Variants in KCNMA1 observed in about 807,000 individuals in gnomAD.
The protein encoded by KCNMA1 is potassium calcium-activated channel subfamily M alpha 1.
KCNMA1 carries 29 observed loss-of-function variants against 140.0 expected under a neutral mutation model. The observed-to-expected ratio is 0.21, with a 90% CI of 0.15 to 0.28. KCNMA1 has a LOEUF of 0.28. KCNMA1 is among the 10% of genes least tolerant of loss of function. The pLI is 1.00. For missense variants in KCNMA1, 880 were observed against 1,602.2 expected (o/e 0.55, Z 7.70); for synonymous variants, 612 against 611.9 (o/e 1.00, Z 0.00).
At chr10:77,102,474 T>C (rs1008956841) in intron 9 of KCNMA1, among the ~76,000 whole-genome samples, 1 of 152,084 alleles carries the variant, frequency 6.6e-6, no homozygotes, top group Non-Finnish European at 1.5e-5. Context: ...AACCCAATAA[T>C]CAGGAAGCAG....
At position 76,949,292 on chromosome 10, in the gene KCNMA1, G is replaced by C. The variant is rs201918957; in HGVS notation, c.2559C>G (p.Ala853=). The C allele has an allele frequency of 3.1e-6, 5 of 1,614,002 alleles. No homozygotes were observed. The highest frequency in any genetic ancestry group is 4.2e-6 in the Non-Finnish European group (5 of 1,180,038). Residue 853 remains alanine (A), a synonymous_variant, in exon 22 of 28, where the codon GCC becomes GCG. Coordinates refer to ENST00000286628, the MANE Select transcript of KCNMA1 (RefSeq NM_001161352.2). The part of the protein sequence containing the change: ...VVCIFGDVSS[A]LIGLRNLVMP... ...TCACCAGGTTCCGGAGGCCGATCAG[G>C]GCTGAGCTGACGTCGCCAAAGATGC... is the stretch of plus-strand genomic sequence containing the variant.
downstream of KCNMA1, among the ~76,000 whole-genome samples, chr10:76,883,662 C>A (rs4980114): frequency 0.036 from 5,346 of 149,276 alleles, 312 homozygotes; most frequent in African/African-American, 0.12. Flanking sequence ...GAGTTCCTAA[C>A]TTTTTAAATG....
At chr10:77,343,720 C>T (rs185354681) in intron 2 of KCNMA1, among the ~76,000 whole-genome samples, 109 of 152,264 alleles carry the variant, frequency 7.2e-4, no homozygotes, top group Admixed American at 1.6e-3. Flanking sequence ...ACCAAGAGGT[C>T]ATAGTGTCCG....
At chr10:77,521,728 C>T (rs2053468330) in intron 1 of KCNMA1, among the ~76,000 whole-genome samples, 1 of 152,282 alleles carries the variant, frequency 6.6e-6, no homozygotes, top group Admixed American at 6.5e-5. Context: ...TCCATCTGGT[C>T]CCTTGAGAGT....
chr10:77,080,960 A>C (rs540910041), intron 12 of KCNMA1, among the ~76,000 whole-genome samples: 2 of 152,302 alleles, frequency 1.3e-5, no homozygotes, highest in Non-Finnish European at 2.9e-5. Flanking sequence ...AATAGAGAAA[A>C]TGATGACTTA....
chr10:77,012,124 G>A, intron 17 of KCNMA1, 81 bp from the exon 18 acceptor site: 1 of 1,606,840 alleles, frequency 6.2e-7, no homozygotes, highest in Non-Finnish European at 8.5e-7. Flanking sequence ...CCACGGTGGT[G>A]CCAAATTAAT....
intron 1 of KCNMA1, among the ~76,000 whole-genome samples, chr10:77,608,989 T>C (rs2085646789): frequency 6.6e-6 from 1 of 152,152 alleles, no homozygotes; most frequent in Admixed American, 6.5e-5. Context: ...TGTTACACTG[T>C]TGGTGGGACT....
chr10:77,170,426 G>A (rs2098691569), intron 5 of KCNMA1, among the ~76,000 whole-genome samples: 1 of 152,022 alleles, frequency 6.6e-6, no homozygotes, highest in Non-Finnish European at 1.5e-5. Context: ...GTATCCCTGG[G>A]AGAAGGTTGG....
rs548450338 is a variant in KCNMA1 at position 77,236,984 on chromosome 10, C to T, written c.602+14211G>A. 2.0e-5 allele frequency among the ~76,000 whole-genome samples: 3 copies of T among 152,278 alleles called. No homozygotes were observed. The South Asian group carries it at 6.2e-4, about 32-fold the overall frequency. On this transcript the variant is annotated intron_variant, in intron 3 of 27. Transcript: ENST00000286628. ...AAATGCTTGTTTTTCCTTTCACAAA[C>T]CATGAATGAGTTGAGATTGCAGTTT...
At chr10:76,883,821 A>AAAG (rs1483267574), downstream of KCNMA1, among the ~76,000 whole-genome samples, 1 of 151,136 alleles carries the variant, frequency 6.6e-6, no homozygotes, top group Non-Finnish European at 1.5e-5. Context: ...TGTTCTACTG[A>AAAG]AAGAGGAAGG....
chr10:77,118,463 C>A (rs1339464807), intron 6 of KCNMA1, among the ~76,000 whole-genome samples: 1 of 152,180 alleles, frequency 6.6e-6, no homozygotes, highest in Non-Finnish European at 1.5e-5. Flanking sequence ...GGTGACCTGG[C>A]CTTTCCTACC....
At chr10:76,953,005 G>A (rs547072434) in intron 21 of KCNMA1, among the ~76,000 whole-genome samples, 120 of 152,272 alleles carry the variant, frequency 7.9e-4, no homozygotes, top group African/African-American at 2.7e-3. Flanking sequence ...AAGACCCAAA[G>A]CTGTTAATAG....
intron 6 of KCNMA1, among the ~76,000 whole-genome samples, chr10:77,119,163 T>C (rs1316510150): frequency 2.0e-5 from 3 of 152,108 alleles, no homozygotes; most frequent in African/African-American, 7.2e-5. Flanking sequence ...AGTTGGCAGG[T>C]GAGCTGACAC....
At chr10:77,527,196 T>C (rs2056085096) in intron 1 of KCNMA1, among the ~76,000 whole-genome samples, 1 of 152,212 alleles carries the variant, frequency 6.6e-6, no homozygotes, top group Admixed American at 6.5e-5. Context: ...AAATTTACAT[T>C]ATGAACCATA....
intron 18 of KCNMA1, among the ~76,000 whole-genome samples, chr10:77,009,518 G>A (rs1166445898): frequency 3.3e-5 from 5 of 152,082 alleles, no homozygotes; most frequent in African/African-American, 4.8e-5. Flanking sequence ...CCTTCCTCCC[G>A]AGAATGCTCT....
chr10:76,889,451 C>T lies in KCNMA1; in HGVS notation c.3461G>A (p.Arg1154Lys). The change falls in exon 27 of 28, where the codon AGG becomes AAG. Residue 1154 changes from arginine (R) to lysine (K), a missense_variant and splice_region_variant. Arg to Lys is a conservative substitution (Grantham distance 26). Transcript: ENST00000286628. Reference sequence around the variant, plus strand: ...GGGCAGAGTTGAAACCAATACTCACCTCTTTGTGCACTGACTGGGGGTGCT... The same window carrying T: ...GGGCAGAGTTGAAACCAATACTCACTTCTTTGTGCACTGACTGGGGGTGCT... ...HLSTPSQCTK[R>K]YVITNPPYEF... 2 of 1,601,680 alleles carry T rather than the reference C, an allele frequency of 1.2e-6. No homozygotes were observed. Among genetic ancestry groups the T allele is most frequent in the African/African-American group, 2.7e-5 (2 of 74,776 alleles).
At chr10:77,504,735 T>A (rs1301441666) in intron 1 of KCNMA1, among the ~76,000 whole-genome samples, 1 of 152,150 alleles carries the variant, frequency 6.6e-6, no homozygotes, top group Non-Finnish European at 1.5e-5. Context: ...TCACTAGGTA[T>A]TACAGGCATG....
intron 1 of KCNMA1, among the ~76,000 whole-genome samples, chr10:77,469,308 AAGG>A (rs1426912256): frequency 1.3e-5 from 2 of 152,138 alleles, no homozygotes; most frequent in Non-Finnish European, 2.9e-5. Context: ...TTTATTGGAG[AAGG>A]AGGATTTCTG....
intron 1 of KCNMA1, among the ~76,000 whole-genome samples, chr10:77,442,149 CT>C: frequency 6.6e-6 from 1 of 152,336 alleles, no homozygotes; most frequent in African/African-American, 2.4e-5. Context: ...AGACCTCACT[CT>C]AGCCACCCAC....
Sources: gnomAD v4.1 joint callset for allele counts (sites outside exome capture counted in the v4.1 genomes callset) on GRCh38, gnomAD v4.1.1 for gene constraint, MANE v1.5 for transcripts, NCBI Gene and HGNC (gene_info 2026-07-23, HGNC 2026-07-21) for gene names.